The following ASCC3 variants were observed in gnomAD, a reference collection of about 807,000 sequenced individuals.
ASCC3 encodes the protein activating signal cointegrator 1 complex subunit 3.
ASCC3 carries 158 observed loss-of-function variants against 256.3 expected under a neutral mutation model. The ratio of observed to expected loss-of-function variants is 0.62; its 90% CI spans 0.54 to 0.70. The LOEUF is 0.70. Among genes scored for constraint, ASCC3 ranks in the 30% least tolerant of loss-of-function variants. The probability of loss-of-function intolerance (pLI) is 0.00; values close to 1 mark genes in which losing one functional copy is unlikely to be tolerated. For synonymous variants in ASCC3, 948 were observed against 883.4 expected (o/e 1.07, Z -1.30); for missense variants, 2,259 against 2,626.0 (o/e 0.86, Z 3.05).
At chr6:100,822,350 A>C (rs1771087087) in intron 4 of ASCC3, among the ~76,000 whole-genome samples, 1 of 152,140 alleles carries the variant, frequency 6.6e-6, no homozygotes, top group African/African-American at 2.4e-5. Context: ...CAACCTGGGC[A>C]ACAAAGTAAG....
intron 40 of ASCC3, among the ~76,000 whole-genome samples, chr6:100,512,463 T>C (rs1773810744): frequency 1.3e-5 from 2 of 152,216 alleles, no homozygotes; most frequent in South Asian, 4.1e-4. Context: ...CCAGAGTCTG[T>C]ATACCATACT....
At chr6:100,510,904 T>G (rs954051103) in intron 40 of ASCC3, among the ~76,000 whole-genome samples, 2 of 152,166 alleles carry the variant, frequency 1.3e-5, no homozygotes, top group African/African-American at 2.4e-5. Flanking sequence ...GAGGGAGATG[T>G]TTCACTTACA....
At chr6:100,539,607 T>C (rs1047679971) in intron 37 of ASCC3, among the ~76,000 whole-genome samples, 8 of 152,158 alleles carry the variant, frequency 5.3e-5, no homozygotes, top group African/African-American at 1.9e-4. Flanking sequence ...ATGCAAACTT[T>C]CTTAGTGTTT....
At chr6:100,793,058 A>G (rs1277015548) in intron 8 of ASCC3, among the ~76,000 whole-genome samples, 1 of 151,984 alleles carries the variant, frequency 6.6e-6, no homozygotes, top group Non-Finnish European at 1.5e-5. Flanking sequence ...GCTATCCTAC[A>G]AGATCTGAAA....
intron 11 of ASCC3, 43 bp from the exon 12 acceptor site, chr6:100,718,294 T>C: frequency 6.7e-7 from 1 of 1,486,398 alleles, no homozygotes; most frequent in African/African-American, 1.4e-5. Context: ...TTTAAATTAA[T>C]TTAACCAAAA....
chr6:100,732,367 T>C (rs1779944081), intron 10 of ASCC3, among the ~76,000 whole-genome samples: 1 of 152,100 alleles, frequency 6.6e-6, no homozygotes, highest in African/African-American at 2.4e-5. Flanking sequence ...AAAAGTTTGT[T>C]TGGGGTGTAC....
At chr6:100,766,966 G>A (rs1781686636) in intron 9 of ASCC3, among the ~76,000 whole-genome samples, 179 bp downstream of exon 9, 1 of 152,096 alleles carries the variant, frequency 6.6e-6, no homozygotes, top group Non-Finnish European at 1.5e-5. Context: ...CATGGTAATA[G>A]AATTTTCATA....
chr6:100,642,441 C>G, intron 24 of ASCC3, 140 bp downstream of exon 24: 4 of 874,386 alleles, frequency 4.6e-6, no homozygotes, highest in East Asian at 2.6e-5. Flanking sequence ...TGATGAATGA[C>G]AAATGAAATA....
At chr6:100,746,477 G>C (rs1780683732) in intron 10 of ASCC3, among the ~76,000 whole-genome samples, 1 of 152,030 alleles carries the variant, frequency 6.6e-6, no homozygotes, top group South Asian at 2.1e-4. Context: ...AAGGGTTGTG[G>C]GTAATTTTTT....
chr6:100,742,095 C>G (rs532717293), intron 10 of ASCC3, among the ~76,000 whole-genome samples: 1 of 151,508 alleles, frequency 6.6e-6, no homozygotes, highest in Admixed American at 6.6e-5. Context: ...TTGTTTTTCT[C>G]TTAACAGTCA....
intron 36 of ASCC3, among the ~76,000 whole-genome samples, chr6:100,576,861 G>A (rs1670077161): frequency 6.6e-6 from 1 of 150,872 alleles, no homozygotes; most frequent in African/African-American, 2.4e-5. Context: ...TCAGCTTCAA[G>A]GAAAGAAGAA....
chr6:100,655,842 AATT>A, intron 16 of ASCC3, 24 bp from the exon 17 acceptor site: 1 of 1,608,600 alleles, frequency 6.2e-7, no homozygotes, highest in South Asian at 1.1e-5. Flanking sequence ...AGATGACAGA[AATT>A]AATGTATTAA....
At chr6:100,576,443 A>AT (rs1453595740) in intron 36 of ASCC3, among the ~76,000 whole-genome samples, 3 of 151,950 alleles carry the variant, frequency 2.0e-5, no homozygotes, top group Non-Finnish European at 2.9e-5. Flanking sequence ...ATGCTTTAAA[A>AT]TTTTTTTACA....
At chr6:100,526,222 C>T (rs999037300) in intron 37 of ASCC3, among the ~76,000 whole-genome samples, 1 of 152,150 alleles carries the variant, frequency 6.6e-6, no homozygotes, top group African/African-American at 2.4e-5. Flanking sequence ...TGCTAGCAAG[C>T]CTACAAGTTA....
At chr6:100,874,562 A>G (rs959027782) in intron 1 of ASCC3, among the ~76,000 whole-genome samples, 1 of 152,080 alleles carries the variant, frequency 6.6e-6, no homozygotes, top group African/African-American at 2.4e-5. Flanking sequence ...CAAATTGAGA[A>G]AACAAATTTT....
At chr6:100,871,883 C>G (rs1773758733) in intron 1 of ASCC3, among the ~76,000 whole-genome samples, 1 of 152,138 alleles carries the variant, frequency 6.6e-6, no homozygotes, top group Non-Finnish European at 1.5e-5. Flanking sequence ...GTACACAGTA[C>G]ACAGTATGTT....
Position 100,577,203 on chromosome 6 carries a change from T to C in ASCC3, c.5550+12431A>G, listed in dbSNP as rs1214820849. ...AGCACAATTCCATTTTCTATTTTAG[T>C]TCTTTAGTAACTTTTAATAAATTTA... On this transcript the variant is annotated intron_variant, in intron 36 of 41. Transcript: ENST00000369162. Among the ~76,000 whole-genome samples the C allele has an allele frequency of 2.6e-5, 4 of 152,006 alleles. No individual in the cohort carries two copies. The East Asian group carries it at 5.8e-4, about 22-fold the overall frequency.
At chr6:100,632,182 T>TAAAAAAAAA (rs35229827) in intron 25 of ASCC3, among the ~76,000 whole-genome samples, 1 of 102,008 alleles carries the variant, frequency 9.8e-6, no homozygotes, top group African/African-American at 3.8e-5. Context: ...GCAAACTATC[T>TAAAAAAAAA]AAAAAAAAAA....
chr6:100,668,716 A>G (rs1002738960), intron 14 of ASCC3, among the ~76,000 whole-genome samples: 5 of 151,980 alleles, frequency 3.3e-5, no homozygotes, highest in Non-Finnish European at 2.9e-5. Flanking sequence ...ACAAAATGCC[A>G]CAACTAAGTA....
Sources: gnomAD v4.1 joint callset for allele counts (sites outside exome capture counted in the v4.1 genomes callset) on GRCh38, gnomAD v4.1.1 for gene constraint, MANE v1.5 for transcripts, NCBI Gene and HGNC (gene_info 2026-07-23, HGNC 2026-07-21) for gene names.